Variants in LRBA observed in about 807,000 individuals in gnomAD.
The protein encoded by LRBA is lipopolysaccharide-responsive and beige-like anchor protein.
Under a neutral mutation model 330.0 loss-of-function variants are expected in LRBA, and 176 were observed. The ratio of observed to expected loss-of-function variants is 0.53; its 90% confidence interval spans 0.47 to 0.60. LRBA has a LOEUF of 0.60. Among genes scored for constraint, LRBA ranks in the 20% least tolerant of loss-of-function variants. The pLI is 0.00. For synonymous variants in LRBA, 1,230 were observed against 1,193.0 expected (o/e 1.03, Z -0.64); for missense variants, 3,259 against 3,444.8 (o/e 0.95, Z 1.35).
At chr4:150,589,809 G>C (rs533007797) in intron 39 of LRBA, among the ~76,000 whole-genome samples, 2 of 152,182 alleles carry the variant, frequency 1.3e-5, no homozygotes, top group East Asian at 1.9e-4. Flanking sequence ...GGAAGAAATG[G>C]GTAAATGGAT....
intron 47 of LRBA, among the ~76,000 whole-genome samples, chr4:150,353,737 T>C (rs1321153227): frequency 6.6e-6 from 1 of 152,240 alleles, no homozygotes; most frequent in Non-Finnish European, 1.5e-5. Context: ...TCACCTTACA[T>C]TGTCATAGGT....
rs553131546 is a variant in LRBA at position 150,411,591 on chromosome 4, T to C, written c.7194+3847A>G. The stretch of plus-strand genomic sequence containing the variant: ...GGACAGCTGCAACACTATATCCCTG[T>C]TCAACCTGAGGACCATCTGACTTTA... On this transcript the variant is annotated intron_variant, in intron 47 of 56. Transcript: ENST00000651943. 9.0e-4 allele frequency among the ~76,000 whole-genome samples: 137 copies of C among 152,174 alleles called. 1 individual carries two copies. Among genetic ancestry groups the C allele is most frequent in the Non-Finnish European group, 3.8e-4 (26 of 68,022 alleles).
At chr4:150,739,249 A>G (rs1034763425) in intron 35 of LRBA, among the ~76,000 whole-genome samples, 1 of 152,186 alleles carries the variant, frequency 6.6e-6, no homozygotes, top group Non-Finnish European at 1.5e-5. Flanking sequence ...TATAGAATAT[A>G]TAAAGCTATA....
chr4:150,928,809 T>A (rs1450918625), intron 3 of LRBA, 25 bp downstream of exon 3: 1 of 1,538,320 alleles, frequency 6.5e-7, no homozygotes, highest in Non-Finnish European at 9.0e-7. Context: ...TCTTTGCATA[T>A]ATTGTACTAT....
At chr4:150,661,119 C>T (rs1327282058) in intron 37 of LRBA, among the ~76,000 whole-genome samples, 1 of 137,028 alleles carries the variant, frequency 7.3e-6, no homozygotes, top group Non-Finnish European at 1.6e-5. Flanking sequence ...ATGAGGGTTA[C>T]AGTGTATACC....
intron 47 of LRBA, among the ~76,000 whole-genome samples, chr4:150,402,979 T>C (rs1345099892): frequency 2.0e-5 from 3 of 152,130 alleles, no homozygotes; most frequent in African/African-American, 7.2e-5. Context: ...TGCTAGTATA[T>C]ACAGAAGTCT....
intron 37 of LRBA, among the ~76,000 whole-genome samples, chr4:150,647,352 CTTTT>C (rs769403201): frequency 3.8e-5 from 3 of 79,824 alleles, no homozygotes; most frequent in Non-Finnish European, 6.6e-5. Context: ...ATTACTTTTT[CTTTT>C]TTTTTTTTTT....
At chr4:150,478,446 A>C (rs1756951532) in intron 42 of LRBA, among the ~76,000 whole-genome samples, 1 of 152,178 alleles carries the variant, frequency 6.6e-6, no homozygotes, top group Non-Finnish European at 1.5e-5. Context: ...TTGAGTATTG[A>C]CTAAAGATAT....
In LRBA at chr4:150,581,409, A is replaced by T. The variant is rs1310567582; in HGVS notation, c.6330+6639T>A. ...GGAGGGGAGGGGAAGAGAAAGGAGG[A>T]TGACTTTAAAGGAGGAAAAAACCTG... On this transcript the variant is annotated intron_variant, in intron 40 of 56. Transcript: ENST00000651943. 7 of 418,726 alleles carry T rather than the reference A, an allele frequency of 1.7e-5. No individual in the cohort carries two copies. In the Admixed American group the frequency reaches 2.0e-4, roughly 12 times the overall value. 25.9% of individuals were successfully genotyped at this position (418,726 alleles called of 1,614,324 possible). A position where few individuals can be genotyped will look rare whatever the true frequency, so the allele number is the denominator to read the frequency against.
chr4:150,479,421 A>T (rs1242953929), intron 42 of LRBA, among the ~76,000 whole-genome samples: 2 of 152,230 alleles, frequency 1.3e-5, no homozygotes, highest in East Asian at 3.8e-4. Context: ...AACTAATATA[A>T]GGAAATCCAC....
chr4:150,908,362 A>C lies in LRBA; in HGVS notation c.1465T>G (p.Leu489Val), dbSNP rs1483345086. The change falls in exon 11 of 57, where the codon TTG becomes GTG. Residue 489 changes from leucine to valine, a missense_variant. Leu to Val is a conservative substitution (Grantham distance 32). Coordinates refer to ENST00000651943, the MANE Select transcript of LRBA (RefSeq NM_001364905.1). Reference protein sequence around the residue: ...LFAQLDYRQYLSDEIDLTICS... With the variant: ...LFAQLDYRQYVSDEIDLTICS... The stretch of plus-strand genomic sequence containing the variant: ...ATAGTCAAATCAATCTCATCAGACA[A>C]ATATTGCCTGTAATCCAACTGTGCA... The C allele has an allele frequency of 6.2e-7, 1 of 1,608,840 alleles. No homozygotes were observed. The highest frequency in any genetic ancestry group is 8.5e-7 in the Non-Finnish European group (1 of 1,178,910).
intron 2 of LRBA, among the ~76,000 whole-genome samples, chr4:150,970,497 C>T (rs145491661): frequency 2.0e-4 from 29 of 148,064 alleles, no homozygotes; most frequent in African/African-American, 7.0e-4. Flanking sequence ...AAGACCCTGT[C>T]TCAAAAAAAT....
chr4:150,732,866 C>A (rs1302074213), intron 36 of LRBA, among the ~76,000 whole-genome samples: 3 of 152,002 alleles, frequency 2.0e-5, no homozygotes, highest in Non-Finnish European at 1.5e-5. Flanking sequence ...TTTATCATGT[C>A]ATCTTCCTCC....
intron 28 of LRBA, among the ~76,000 whole-genome samples, chr4:150,839,848 G>C (rs1383878131): frequency 6.6e-6 from 1 of 151,328 alleles, no homozygotes. Flanking sequence ...TAACAAACCT[G>C]CACGTTGTGC....
At chr4:150,634,960 C>A (rs544035951) in intron 37 of LRBA, among the ~76,000 whole-genome samples, 1 of 152,174 alleles carries the variant, frequency 6.6e-6, no homozygotes, top group Non-Finnish European at 1.5e-5. Context: ...TTGAAGTTGA[C>A]CTCTCAGGGA....
At chr4:150,289,976 G>A (rs1580911986) in intron 53 of LRBA, among the ~76,000 whole-genome samples, 1 of 152,118 alleles carries the variant, frequency 6.6e-6, no homozygotes, top group African/African-American at 2.4e-5. Context: ...TCACAGAATC[G>A]ATCTTTTTAT....
chr4:150,427,612 A>G (rs1292136726), intron 46 of LRBA, among the ~76,000 whole-genome samples: 1 of 152,006 alleles, frequency 6.6e-6, no homozygotes, highest in Non-Finnish European at 1.5e-5. Context: ...GGAGAAAGGA[A>G]TGAGCACTTA....
At chr4:150,735,219 A>C in intron 36 of LRBA, 39 bp downstream of exon 36, 1 of 1,406,126 alleles carries the variant, frequency 7.1e-7, no homozygotes, top group South Asian at 1.2e-5. Context: ...ATCATTAAAA[A>C]ACGGTAACTT....
At chr4:150,771,420 G>T (rs1051240167) in intron 34 of LRBA, among the ~76,000 whole-genome samples, 1 of 152,182 alleles carries the variant, frequency 6.6e-6, no homozygotes, top group Admixed American at 6.5e-5. Context: ...TGAATTCCAT[G>T]AGCATTCATT....
Sources: allele counts gnomAD v4.1 joint callset (sites outside exome capture counted in the v4.1 genomes callset), GRCh38; gene constraint gnomAD v4.1.1; transcripts MANE v1.5; gene names NCBI Gene and HGNC (gene_info 2026-07-23, HGNC 2026-07-21).